The following TULP4 variants were observed in gnomAD, a reference collection of about 807,000 sequenced individuals.
TULP4 encodes TUB like protein 4, also known as tubby-related protein 4.
In TULP4, 16 loss-of-function variants were observed where a neutral mutation model predicts 129.0. That is an observed-to-expected ratio of 0.12 (90% CI 0.08 to 0.19). TULP4 has a LOEUF of 0.19. Ranked by LOEUF, TULP4 falls within the 10% of genes least tolerant of loss-of-function variation. The pLI is 1.00. For synonymous variants in TULP4, 998 were observed against 854.0 expected, an observed-to-expected ratio of 1.17 and a Z score of -2.94; for missense variants, 1,842 against 2,059.1, an observed-to-expected ratio of 0.89 and a Z score of 2.04.
At position 158,413,206 on chromosome 6, in the gene TULP4, C is replaced by T. The variant is rs760427366; in HGVS notation, c.381+13C>T. 37 of 1,602,534 alleles carry T rather than the reference C, an allele frequency of 2.3e-5. No homozygotes were observed. The highest frequency in any genetic ancestry group is 5.5e-5 in the South Asian group (5 of 90,102). On this transcript the variant is annotated intron_variant, in intron 2 of 13. Transcript: ENST00000367097. This position sits in a 1 kb window ranked among gnomAD's most constrained non-coding sequence, Gnocchi z 4.9. ...CCGCGGGGCGCAGGTGAGTGGCAGG[C>T]GCAGCTCTGCCAGTGAAGGGCTGCG...
chr6:158,396,288 G>C (rs941473431), intron 1 of TULP4, among the ~76,000 whole-genome samples: 1 of 152,036 alleles, frequency 6.6e-6, no homozygotes, highest in African/African-American at 2.4e-5. Context: ...TTTTTGTCCT[G>C]CTCTCTTTGT....
At position 158,313,636 on chromosome 6, in the gene TULP4, A is replaced by G. The variant is rs1779415187; in HGVS notation, c.-381A>G. 1 of 430,434 alleles carries G rather than the reference A, an allele frequency of 2.3e-6. No individual in the cohort carries two copies. Among genetic ancestry groups the G allele is most frequent in the African/African-American group, 2.0e-5 (1 of 48,992 alleles). The allele number at this position is 430,434 out of a possible 1,614,324, so 26.7% of individuals were successfully genotyped here. On this transcript the variant is annotated 5_prime_UTR_variant, in exon 1 of 14. Coordinates refer to ENST00000367097, the MANE Select transcript of TULP4 (RefSeq NM_020245.5). ...TCATATTACACTAAACTGGAATCTC[A>G]GGCTGAATGAGAATAACCAAGTGGA...
chr6:158,435,440 G>A (rs1236657745), intron 3 of TULP4, among the ~76,000 whole-genome samples: 1 of 152,058 alleles, frequency 6.6e-6, no homozygotes, highest in East Asian at 1.9e-4. Flanking sequence ...GCACATCCAG[G>A]CACGTCCTTT....
intron 1 of TULP4, among the ~76,000 whole-genome samples, chr6:158,257,553 C>T (rs1324239395): frequency 1.3e-5 from 2 of 152,180 alleles, no homozygotes; most frequent in African/African-American, 2.4e-5. Flanking sequence ...TTAAAAATAA[C>T]GGTTGCTTCT....
chr6:158,446,546 A>G (rs146083060), intron 3 of TULP4, among the ~76,000 whole-genome samples: 2 of 152,306 alleles, frequency 1.3e-5, no homozygotes, highest in East Asian at 3.9e-4. Flanking sequence ...ATGCAGAGTC[A>G]TTTCCTCCCT....
At chr6:158,271,581 C>T (rs1231220986) in intron 1 of TULP4, among the ~76,000 whole-genome samples, 1 of 151,920 alleles carries the variant, frequency 6.6e-6, no homozygotes. Flanking sequence ...ACAGGCGGGT[C>T]ACCACATTTG....
At chr6:158,460,567 A>G (rs370943596) in intron 5 of TULP4, among the ~76,000 whole-genome samples, 2 of 152,224 alleles carry the variant, frequency 1.3e-5, no homozygotes, top group Admixed American at 1.3e-4. Context: ...ACCATTTCTT[A>G]TAGGCACTGA....
At chr6:158,369,731 G>A (rs564312058) in intron 1 of TULP4, among the ~76,000 whole-genome samples, 166 of 152,256 alleles carry the variant, frequency 1.1e-3, no homozygotes, top group African/African-American at 3.5e-3. Flanking sequence ...GCTTCTACAT[G>A]CATGGAATAT....
At chr6:158,276,041 C>T (rs1447623450) in intron 1 of TULP4, among the ~76,000 whole-genome samples, 1 of 152,160 alleles carries the variant, frequency 6.6e-6, no homozygotes, top group East Asian at 1.9e-4. Flanking sequence ...GCAACCTCAA[C>T]TCACTGCAAC....
At chr6:158,287,016 T>C (rs1307474364) in intron 1 of TULP4, among the ~76,000 whole-genome samples, 1 of 152,236 alleles carries the variant, frequency 6.6e-6, no homozygotes, top group African/African-American at 2.4e-5. Flanking sequence ...TTTACTGAGT[T>C]CTTTTCTAGG....
At chr6:158,453,593 A>C (rs575173668) in intron 5 of TULP4, among the ~76,000 whole-genome samples, 120 of 151,422 alleles carry the variant, frequency 7.9e-4, no homozygotes, top group African/African-American at 2.8e-3. Flanking sequence ...GTTCAAGATC[A>C]GCCTGGCCAA....
intron 1 of TULP4, among the ~76,000 whole-genome samples, chr6:158,348,527 A>G (rs150856104): frequency 6.6e-6 from 1 of 152,350 alleles, no homozygotes; most frequent in East Asian, 1.9e-4. Flanking sequence ...CCAAGGCAGA[A>G]GAACATTTCT....
intron 1 of TULP4, among the ~76,000 whole-genome samples, chr6:158,344,016 G>C (rs190953292): frequency 6.6e-6 from 1 of 152,240 alleles, no homozygotes; most frequent in East Asian, 1.9e-4. Context: ...TTCCACCATC[G>C]TGATTTGTTT....
intron 1 of TULP4, among the ~76,000 whole-genome samples, chr6:158,259,839 G>A (rs571301826): frequency 4.6e-5 from 7 of 152,306 alleles, no homozygotes; most frequent in African/African-American, 1.4e-4. Context: ...TATGATAAAG[G>A]ATACAACTCA....
chr6:158,285,236 T>C (rs955618378), intron 1 of TULP4, among the ~76,000 whole-genome samples: 1 of 152,108 alleles, frequency 6.6e-6, no homozygotes, highest in African/African-American at 2.4e-5. Flanking sequence ...TGTTAGTAGA[T>C]TTTTTGTTGT....
At chr6:158,489,825 G>A in intron 9 of TULP4, 93 bp downstream of exon 9, 1 of 1,453,256 alleles carries the variant, frequency 6.9e-7, no homozygotes, top group East Asian at 2.4e-5. Context: ...CTGACCAGAA[G>A]AGTCAAAGAG....
intron 1 of TULP4, among the ~76,000 whole-genome samples, chr6:158,381,990 A>G (rs1241247689): frequency 2.0e-5 from 3 of 152,148 alleles, no homozygotes; most frequent in Non-Finnish European, 4.4e-5. Context: ...GGGAGGGAAC[A>G]TGCTGTTTTC....
At chr6:158,446,849 G>A (rs1028150797) in intron 3 of TULP4, among the ~76,000 whole-genome samples, 1 of 152,160 alleles carries the variant, frequency 6.6e-6, no homozygotes, top group African/African-American at 2.4e-5. Flanking sequence ...GCAAGCTGGG[G>A]TCTCTCATAC....
At chr6:158,479,051 G>A (rs1779879913) in intron 6 of TULP4, among the ~76,000 whole-genome samples, 1 of 152,076 alleles carries the variant, frequency 6.6e-6, no homozygotes. Context: ...ATCCTCACAG[G>A]GTCCCCACTC....
Sources: allele counts gnomAD v4.1 joint callset (sites outside exome capture counted in the v4.1 genomes callset), GRCh38; gene constraint gnomAD v4.1.1; non-coding constraint Gnocchi (gnomAD v3.1); transcripts MANE v1.5; gene names NCBI Gene and HGNC (gene_info 2026-07-23, HGNC 2026-07-21).